The following GRM7 variants were observed in gnomAD, a reference collection of about 807,000 sequenced individuals.
GRM7 encodes the protein metabotropic glutamate receptor 7.
Under a neutral mutation model 84.5 loss-of-function variants are expected in GRM7, and 35 were observed. The observed-to-expected ratio is 0.41, with a 90% CI of 0.32 to 0.55. The LOEUF is 0.55. GRM7 is among the 20% of genes least tolerant of loss of function. The pLI is 0.19. For synonymous variants in GRM7, 487 were observed against 455.1 expected, an observed-to-expected ratio of 1.07 and a Z score of -0.89; for missense variants, 1,003 against 1,194.6, an observed-to-expected ratio of 0.84 and a Z score of 2.36.
intron 1 of GRM7, among the ~76,000 whole-genome samples, chr3:7,095,025 T>C (rs758767180): frequency 2.0e-5 from 3 of 151,970 alleles, no homozygotes; most frequent in Non-Finnish European, 2.9e-5. Context: ...CCATCCCTGT[T>C]GCATTAATTT....
intron 1 of GRM7, among the ~76,000 whole-genome samples, chr3:6,965,971 C>T (rs1374247377): frequency 6.6e-6 from 1 of 152,026 alleles, no homozygotes; most frequent in Non-Finnish European, 1.5e-5. Context: ...TCATCCCTGT[C>T]ACCAACACCC....
intron 8 of GRM7, among the ~76,000 whole-genome samples, chr3:7,600,139 G>A (rs1274706718): frequency 2.0e-5 from 3 of 151,938 alleles, no homozygotes; most frequent in African/African-American, 4.8e-5. Flanking sequence ...GCACACAGAG[G>A]CACCATGATT....
At position 7,075,512 on chromosome 3, in the gene GRM7, G is replaced by A. The variant is rs551367577; in HGVS notation, c.520-70940G>A. Among the ~76,000 whole-genome samples the A allele has an allele frequency of 5.7e-5, 6 of 106,156 alleles. No individual in the cohort carries two copies. In the South Asian group the frequency reaches 2.1e-3, roughly 37 times the overall value. The allele number at this position is 106,156 out of a possible 152,430, so 69.6% of individuals were successfully genotyped here. Reference sequence around the variant, plus strand: ...GCTTCTCAGATGTGTGTGTGTGTGTGTGTGTGTGTGTGTGTGTGTGTGTGT... The same window carrying A: ...GCTTCTCAGATGTGTGTGTGTGTGTATGTGTGTGTGTGTGTGTGTGTGTGT... On this transcript the variant is annotated intron_variant, in intron 1 of 9. Transcript: ENST00000357716.
chr3:7,536,238 T>G (rs1408669371), intron 7 of GRM7, among the ~76,000 whole-genome samples: 3 of 152,062 alleles, frequency 2.0e-5, no homozygotes, highest in African/African-American at 7.2e-5. Flanking sequence ...TGTTAGATAA[T>G]CCCAGGAAGC....
At chr3:6,980,430 T>C (rs904396148) in intron 1 of GRM7, among the ~76,000 whole-genome samples, 13 of 152,286 alleles carry the variant, frequency 8.5e-5, no homozygotes, top group Middle Eastern at 6.8e-3. Flanking sequence ...CAATTTTTTA[T>C]AATGAATGAA....
chr3:7,210,801 GTT>G (rs4054224), intron 2 of GRM7, among the ~76,000 whole-genome samples: 75,813 of 145,680 alleles, frequency 0.52, 20,735 homozygotes, highest in Non-Finnish European at 0.64. Context: ...GCTGTGTATT[GTT>G]TTTTTTTTTT....
chr3:7,096,282 C>T (rs993832860), intron 1 of GRM7, among the ~76,000 whole-genome samples: 2 of 152,040 alleles, frequency 1.3e-5, no homozygotes, highest in Non-Finnish European at 2.9e-5. Flanking sequence ...ACTCAGTCTT[C>T]TACAAGACTG....
At chr3:7,259,766 C>T (rs984062209) in intron 2 of GRM7, among the ~76,000 whole-genome samples, 1 of 152,040 alleles carries the variant, frequency 6.6e-6, no homozygotes, top group African/African-American at 2.4e-5. Context: ...ATGCTTGTGT[C>T]TTTATGATAG....
intron 8 of GRM7, among the ~76,000 whole-genome samples, chr3:7,673,691 T>C (rs906351334): frequency 2.6e-5 from 4 of 152,194 alleles, no homozygotes; most frequent in African/African-American, 9.6e-5. Flanking sequence ...AGGAGGTTGA[T>C]TGTAAAACTG....
chr3:7,688,610 T>C (rs2125148748), intron 9 of GRM7, among the ~76,000 whole-genome samples: 1 of 152,288 alleles, frequency 6.6e-6, no homozygotes, highest in African/African-American at 2.4e-5. Flanking sequence ...AGGTCAGTAA[T>C]GGGACTAGTA....
chr3:7,197,797 G>A (rs1163238520), intron 2 of GRM7, among the ~76,000 whole-genome samples: 1 of 151,608 alleles, frequency 6.6e-6, no homozygotes, highest in Non-Finnish European at 1.5e-5. Flanking sequence ...TTACTGTCAT[G>A]CTTAACAATT....
At chr3:7,514,923 AT>A (rs369484762) in intron 7 of GRM7, among the ~76,000 whole-genome samples, 245 of 148,054 alleles carry the variant, frequency 1.7e-3, no homozygotes, top group African/African-American at 4.5e-3. Flanking sequence ...AGTTAGCTGG[AT>A]TTTTTTTTTT....
intron 1 of GRM7, among the ~76,000 whole-genome samples, chr3:7,065,404 A>G (rs563123980): frequency 8.6e-5 from 13 of 151,990 alleles, no homozygotes; most frequent in South Asian, 8.3e-4. Flanking sequence ...ATTCTCCTGC[A>G]TGTAGCTAGC....
chr3:7,386,523 G>A (rs767590403), intron 4 of GRM7, among the ~76,000 whole-genome samples: 1 of 152,112 alleles, frequency 6.6e-6, no homozygotes, highest in Non-Finnish European at 1.5e-5. Context: ...AGAATATGTG[G>A]TATTTGGTTT....
At chr3:6,909,448 C>T (rs1696692193) in intron 1 of GRM7, among the ~76,000 whole-genome samples, 1 of 152,122 alleles carries the variant, frequency 6.6e-6, no homozygotes, top group Non-Finnish European at 1.5e-5. Context: ...CTATAAACTC[C>T]TTCAGGACAG....
chr3:7,111,513 C>T (rs1410033022), intron 1 of GRM7, among the ~76,000 whole-genome samples: 1 of 152,178 alleles, frequency 6.6e-6, no homozygotes, highest in African/African-American at 2.4e-5. Flanking sequence ...GCATCAGGAA[C>T]CCATTTCTAG....
At chr3:6,923,306 C>T (rs546399626) in intron 1 of GRM7, among the ~76,000 whole-genome samples, 12 of 140,884 alleles carry the variant, frequency 8.5e-5, no homozygotes, top group Admixed American at 4.4e-4. Context: ...TGAGCTACCA[C>T]GCCCAGCCCA....
chr3:7,665,434 C>T (rs1338452808), intron 8 of GRM7, among the ~76,000 whole-genome samples: 1 of 152,048 alleles, frequency 6.6e-6, no homozygotes, highest in Non-Finnish European at 1.5e-5. Context: ...CTCGGCCTCC[C>T]AAAGTGCTGG....
In GRM7 at chr3:7,173,915, A is replaced by G. The variant is rs540853872; in HGVS notation, c.736+27247A>G. On this transcript the variant is annotated intron_variant, in intron 2 of 9. Coordinates refer to ENST00000357716, the MANE Select transcript of GRM7 (RefSeq NM_000844.4). ...TTTTATTTTGCTTTTGATTATCTCT[A>G]TCCTCTAAATTGCAAGCTCATTAGA... is the stretch of plus-strand genomic sequence containing the variant. Among the ~76,000 whole-genome samples the G allele has an allele frequency of 1.2e-4, 18 of 152,332 alleles. No homozygotes were observed. The South Asian group carries it at 2.1e-3, about 18-fold the overall frequency.
Sources: allele counts gnomAD v4.1 joint callset (sites outside exome capture counted in the v4.1 genomes callset), GRCh38; gene constraint gnomAD v4.1.1; transcripts MANE v1.5; gene names NCBI Gene and HGNC (gene_info 2026-07-23, HGNC 2026-07-21).